ERC2: variants seen among roughly 807,000 people sequenced by gnomAD.
ERC2 encodes ELKS/RAB6-interacting/CAST family member 2.
In ERC2, 42 loss-of-function variants were observed where a neutral mutation model predicts 114.8. That is an observed-to-expected ratio of 0.37 (90% CI 0.29 to 0.47). The LOEUF (loss-of-function observed/expected upper bound fraction) is 0.47, where lower values mean the gene tolerates loss of function less well. ERC2 is among the 20% of genes least tolerant of loss of function. The pLI, the probability that ERC2 is intolerant of heterozygous loss-of-function variation, is 0.99. For synonymous variants in ERC2, 454 were observed against 425.5 expected (o/e 1.07, Z -0.82); for missense variants, 939 against 1,150.7 (o/e 0.82, Z 2.66).
At chr3:55,931,649 G>A (rs1351092111) in intron 13 of ERC2, among the ~76,000 whole-genome samples, 1 of 152,096 alleles carries the variant, frequency 6.6e-6, no homozygotes, top group East Asian at 1.9e-4. Flanking sequence ...AATACTTAAT[G>A]TAGATGATGG....
At position 55,780,092 on chromosome 3, in the gene ERC2, T is replaced by G. The variant is rs79418270; in HGVS notation, c.2565-45174A>C. ...AATAACAAACAAAGAAATAGTGAAC[T>G]ACAGGCAACATTCCCATGAAATCCA... On this transcript the variant is annotated intron_variant, in intron 14 of 17. Coordinates refer to ENST00000288221, the MANE Select transcript of ERC2 (RefSeq NM_015576.3). 4.1e-4 allele frequency among the ~76,000 whole-genome samples: 62 copies of G among 152,274 alleles called. No individual in the cohort carries two copies. In the East Asian group the frequency reaches 0.011, roughly 28 times the overall value.
chr3:56,252,018 A>C (rs1545920), intron 3 of ERC2, among the ~76,000 whole-genome samples: 1 of 152,002 alleles, frequency 6.6e-6, no homozygotes, highest in Admixed American at 6.5e-5. Context: ...TAGCTGGTCA[A>C]GTTCCATGGC....
At chr3:56,428,456 G>T (rs901406956) in intron 2 of ERC2, among the ~76,000 whole-genome samples, 1 of 149,842 alleles carries the variant, frequency 6.7e-6, no homozygotes, top group East Asian at 2.0e-4. Context: ...AGGAGGTAGA[G>T]GTTGCAGTGA....
At chr3:56,213,017 G>A (rs775389514) in intron 3 of ERC2, among the ~76,000 whole-genome samples, 6 of 152,148 alleles carry the variant, frequency 3.9e-5, no homozygotes, top group Admixed American at 2.6e-4. Context: ...TAGACTTTGC[G>A]GACTTTGGGG....
chr3:56,332,191 C>T (rs551923694), intron 2 of ERC2, among the ~76,000 whole-genome samples: 4 of 152,224 alleles, frequency 2.6e-5, no homozygotes, highest in African/African-American at 9.6e-5. Flanking sequence ...CACATACATG[C>T]ACACACATAT....
At chr3:55,649,258 A>ATTTT (rs56806592) in intron 17 of ERC2, among the ~76,000 whole-genome samples, 7 of 119,202 alleles carry the variant, frequency 5.9e-5, no homozygotes, top group Non-Finnish European at 1.3e-4. Context: ...CCAACGCTGA[A>ATTTT]TTTTTTTTTT....
At chr3:56,264,733 T>C (rs1449072764) in intron 3 of ERC2, among the ~76,000 whole-genome samples, 1 of 145,124 alleles carries the variant, frequency 6.9e-6, no homozygotes, top group Non-Finnish European at 1.5e-5. Flanking sequence ...AAAAAACTGT[T>C]AAAATAATAG....
At chr3:55,842,745 C>G (rs1440415835) in intron 14 of ERC2, among the ~76,000 whole-genome samples, 1 of 151,908 alleles carries the variant, frequency 6.6e-6, no homozygotes, top group African/African-American at 2.4e-5. Flanking sequence ...TTTCCCAGAT[C>G]TCAAGAAAGA....
rs549699983 is a variant in ERC2, at chr3:55,902,340, T to C, written c.2404-13791A>G. Among the ~76,000 whole-genome samples the C allele has an allele frequency of 2.6e-5, 4 of 152,224 alleles. No individual in the cohort carries two copies. In the East Asian group the frequency reaches 7.7e-4, roughly 29 times the overall value. On this transcript the variant is annotated intron_variant, in intron 13 of 17. Coordinates refer to ENST00000288221, the MANE Select transcript of ERC2 (RefSeq NM_015576.3). ...AAGGAAATCCTCCCAAATGCGTCCCTAGGGCACAGCATCCCCCACAGTGAC... is the reference window on the plus strand; with the variant it reads ...AAGGAAATCCTCCCAAATGCGTCCCCAGGGCACAGCATCCCCCACAGTGAC...
intron 3 of ERC2, among the ~76,000 whole-genome samples, chr3:56,196,212 T>G (rs954372874): frequency 6.6e-6 from 1 of 152,244 alleles, no homozygotes; most frequent in South Asian, 2.1e-4. Context: ...TGGGCATGCT[T>G]CACCAGAAGG....
intron 14 of ERC2, among the ~76,000 whole-genome samples, chr3:55,781,470 G>A (rs925789100): frequency 3.3e-5 from 5 of 151,774 alleles, no homozygotes; most frequent in African/African-American, 1.2e-4. Context: ...CAAGTTCATA[G>A]TGCATTCATT....
chr3:56,328,094 C>G (rs148934716), intron 2 of ERC2, among the ~76,000 whole-genome samples: 156 of 152,240 alleles, frequency 1.0e-3, no homozygotes, highest in Middle Eastern at 3.4e-3. Context: ...GATGCTATAC[C>G]TGGGGCAGAA....
Position 55,912,235 on chromosome 3 carries a change from G to A in ERC2, c.2404-23686C>T, listed in dbSNP as rs151062259. Among the ~76,000 whole-genome samples, 580 of 152,276 alleles carry A rather than the reference G, an allele frequency of 3.8e-3. 2 individuals are homozygous for A. The highest frequency in any genetic ancestry group is 0.013 in the African/African-American group (553 of 41,556). ...GAGAGAGAGAAGAAATCTCAGAAGA[G>A]ATATCCCAGAGCTGGTATTTCAGCC... On this transcript the variant is annotated intron_variant, in intron 13 of 17. Transcript: ENST00000288221.
At chr3:56,086,149 C>G (rs777367859) in intron 6 of ERC2, among the ~76,000 whole-genome samples, 1 of 152,096 alleles carries the variant, frequency 6.6e-6, no homozygotes, top group Non-Finnish European at 1.5e-5. Context: ...GTAATCTAGA[C>G]TTTAAGGCTT....
In ERC2 at chr3:55,607,328, C is replaced by T. The variant is rs1180143366; in HGVS notation, c.*39+76466G>A. Among the ~76,000 whole-genome samples the T allele has an allele frequency of 3.9e-5, 6 of 152,138 alleles. No homozygotes were observed. In the South Asian group the frequency reaches 6.2e-4, roughly 16 times the overall value. ...GGGAAGGCTTCCTGGGAAGAAGTGA[C>T]ATGTAACGCTGAGCCTGGAGAACCC... is the stretch of plus-strand genomic sequence containing the variant. On this transcript the variant is annotated intron_variant, in intron 17 of 17. Transcript: ENST00000288221.
chr3:56,085,823 G>C (rs937957194), intron 6 of ERC2, among the ~76,000 whole-genome samples: 1 of 152,106 alleles, frequency 6.6e-6, no homozygotes, highest in Non-Finnish European at 1.5e-5. Context: ...TTTGCACATG[G>C]GCTTACTAGG....
At chr3:56,439,528 G>A (rs1480519529) in intron 1 of ERC2, among the ~76,000 whole-genome samples, 1 of 152,054 alleles carries the variant, frequency 6.6e-6, no homozygotes, top group Non-Finnish European at 1.5e-5. Context: ...TGTCTATTTG[G>A]GTTTGCTACC....
chr3:56,164,547 C>A (rs145958379), intron 4 of ERC2, among the ~76,000 whole-genome samples: 1 of 152,140 alleles, frequency 6.6e-6, no homozygotes, highest in African/African-American at 2.4e-5. Context: ...ATAATGGTAG[C>A]GTGAACACTT....
intron 3 of ERC2, among the ~76,000 whole-genome samples, chr3:56,276,459 T>TAAAAA (rs766683320): frequency 1.9e-4 from 16 of 82,894 alleles, no homozygotes; most frequent in South Asian, 4.3e-4. Context: ...CAAACTCAGC[T>TAAAAA]AAAAAAAAAA....
Sources: gnomAD v4.1 joint callset for allele counts (sites outside exome capture counted in the v4.1 genomes callset) on GRCh38, gnomAD v4.1.1 for gene constraint, MANE v1.5 for transcripts, NCBI Gene and HGNC (gene_info 2026-07-23, HGNC 2026-07-21) for gene names.